CPVL: variants seen among roughly 807,000 people sequenced by gnomAD.
CPVL encodes probable serine carboxypeptidase CPVL.
In CPVL, 51 loss-of-function variants were observed where a neutral mutation model predicts 63.7. The observed-to-expected ratio is 0.80, with a 90% confidence interval of 0.64 to 1.01. CPVL has a LOEUF of 1.01. CPVL is among the 50% of genes least tolerant of loss of function. The pLI is 0.00. For synonymous variants in CPVL, 195 were observed against 206.0 expected (o/e 0.95, Z 0.46); for missense variants, 530 against 573.1 (o/e 0.92, Z 0.77).
At chr7:29,064,385 G>T in intron 10 of CPVL, 151 bp from the exon 11 acceptor site, 1 of 506,188 alleles carries the variant, frequency 2.0e-6, no homozygotes, top group East Asian at 3.1e-5. Context: ...TTAACTCGGA[G>T]GTTTTGAGAT....
At chr7:29,136,887 T>G (rs1791283100) in intron 1 of CPVL, among the ~76,000 whole-genome samples, 1 of 152,176 alleles carries the variant, frequency 6.6e-6, no homozygotes, top group African/African-American at 2.4e-5. Flanking sequence ...TATTTATCCA[T>G]TTTTCTCTGG....
chr7:29,099,252 A>ACACAATCTAT (rs57974993), intron 3 of CPVL, among the ~76,000 whole-genome samples: 59,301 of 151,654 alleles, frequency 0.39, 13,174 homozygotes, highest in African/African-American at 0.61. Context: ...GATGGCTTGA[A>ACACAATCTAT]CACAATCTAT....
Position 28,995,748 on chromosome 7 carries a change from G to A in CPVL, c.*24C>T, listed in dbSNP as rs1051214153. 21 of 1,340,534 alleles carry A rather than the reference G, an allele frequency of 1.6e-5. No individual in the cohort carries two copies. The highest frequency in any genetic ancestry group is 2.1e-5 in the Non-Finnish European group (20 of 951,726). The allele number at this position is 1,340,534 out of a possible 1,614,324, so 83.0% of individuals were successfully genotyped here. A position where few individuals can be genotyped will look rare whatever the true frequency, so the allele number is the denominator to read the frequency against. On this transcript the variant is annotated 3_prime_UTR_variant, in exon 13 of 13. Coordinates refer to ENST00000265394, the MANE Select transcript of CPVL (RefSeq NM_031311.5). ...TTTCTTTTCAGCAATGAAAACCTCT[G>A]ATGTTCTCTTTTGGGAAGGTAGTTT... is the stretch of plus-strand genomic sequence containing the variant.
chr7:29,001,589 T>G (rs1021483087), intron 12 of CPVL, among the ~76,000 whole-genome samples: 5 of 152,174 alleles, frequency 3.3e-5, no homozygotes, highest in Admixed American at 3.3e-4. Context: ...TAAGTCACTT[T>G]CGAAAGAATG....
chr7:29,137,344 G>C (rs1333133005), intron 1 of CPVL, among the ~76,000 whole-genome samples: 1 of 152,178 alleles, frequency 6.6e-6, no homozygotes, highest in African/African-American at 2.4e-5. Context: ...GGTGGTGTCT[G>C]ATTTATATAG....
intron 1 of CPVL, among the ~76,000 whole-genome samples, chr7:29,137,454 T>C (rs1791360738): frequency 6.6e-6 from 1 of 152,198 alleles, no homozygotes; most frequent in Non-Finnish European, 1.5e-5. Context: ...CAAATGGGCT[T>C]TCCACTTGGC....
intron 5 of CPVL, among the ~76,000 whole-genome samples, chr7:29,171,215 C>T (rs965503841): frequency 1.3e-5 from 2 of 152,150 alleles, no homozygotes; most frequent in African/African-American, 4.8e-5. Context: ...GAAGGAACAG[C>T]GCAGACATCA....
At chr7:29,155,107 T>A (rs958236183) in intron 5 of CPVL, among the ~76,000 whole-genome samples, 3 of 151,996 alleles carry the variant, frequency 2.0e-5, no homozygotes, top group African/African-American at 7.3e-5. Context: ...ATGATTCAAT[T>A]ACCTCCCACC....
At chr7:29,060,506 T>C (rs1791164281) in intron 11 of CPVL, among the ~76,000 whole-genome samples, 1 of 152,240 alleles carries the variant, frequency 6.6e-6, no homozygotes. Flanking sequence ...TTTCTCTTTC[T>C]AGTTATTTTT....
At chr7:29,033,049 G>GT (rs1788184950) in intron 11 of CPVL, among the ~76,000 whole-genome samples, 2 of 152,180 alleles carry the variant, frequency 1.3e-5, no homozygotes, top group African/African-American at 4.8e-5. Context: ...CAGGCAATGT[G>GT]TAGAAGGTCT....
intron 6 of CPVL, among the ~76,000 whole-genome samples, chr7:29,091,865 C>A (rs1047336313): frequency 2.6e-5 from 4 of 152,118 alleles, no homozygotes; most frequent in Non-Finnish European, 5.9e-5. Flanking sequence ...CTATTAGATG[C>A]ACTTTCGCTT....
upstream of CPVL, chr7:29,147,182 TA>T: frequency 6.6e-6 from 4 of 601,802 alleles, no homozygotes; most frequent in Non-Finnish European, 1.1e-5. Context: ...AGCCAGACAG[TA>T]CGGGAGCAAG....
At chr7:29,031,142 C>T (rs1787983544) in intron 11 of CPVL, among the ~76,000 whole-genome samples, 1 of 152,202 alleles carries the variant, frequency 6.6e-6, no homozygotes, top group Admixed American at 6.5e-5. Flanking sequence ...ACTTCAACTT[C>T]AGGCAGTGCA....
intron 5 of CPVL, among the ~76,000 whole-genome samples, chr7:29,169,798 A>G (rs955266153): frequency 2.0e-5 from 3 of 151,700 alleles, no homozygotes; most frequent in Non-Finnish European, 2.9e-5. Flanking sequence ...TCCTTATTCC[A>G]TGGCTACCTG....
intron 1 of CPVL, among the ~76,000 whole-genome samples, chr7:29,143,665 T>C (rs1792143506): frequency 6.6e-6 from 1 of 152,040 alleles, no homozygotes; most frequent in African/African-American, 2.4e-5. Context: ...TGTAAACAAT[T>C]CTAAGCAATT....
intron 7 of CPVL, among the ~76,000 whole-genome samples, chr7:29,081,747 C>T (rs1451893481): frequency 6.6e-6 from 1 of 152,196 alleles, no homozygotes; most frequent in Non-Finnish European, 1.5e-5. Flanking sequence ...ATTAGCCCAG[C>T]TTTTCAGCAT....
intron 6 of CPVL, among the ~76,000 whole-genome samples, chr7:29,090,856 AAT>A (rs1785699665): frequency 1.3e-5 from 2 of 152,204 alleles, no homozygotes; most frequent in Non-Finnish European, 2.9e-5. Context: ...ATGCACTATT[AAT>A]AGTCAAAAAG....
chr7:29,065,359 T>C (rs1435849571), intron 10 of CPVL, among the ~76,000 whole-genome samples: 2 of 152,230 alleles, frequency 1.3e-5, no homozygotes, highest in East Asian at 3.8e-4. Flanking sequence ...ATTTACAAAC[T>C]AGTTCATAAA....
At chr7:29,026,785 A>C (rs1248581054) in intron 12 of CPVL, among the ~76,000 whole-genome samples, 11 of 152,178 alleles carry the variant, frequency 7.2e-5, no homozygotes, top group Non-Finnish European at 2.9e-5. Flanking sequence ...ACCAAGATTG[A>C]ACCAGGAAGA....
Sources: allele counts gnomAD v4.1 joint callset (sites outside exome capture counted in the v4.1 genomes callset), GRCh38; gene constraint gnomAD v4.1.1; transcripts MANE v1.5; gene names NCBI Gene and HGNC (gene_info 2026-07-23, HGNC 2026-07-21).